PCDH11X: variants seen among roughly 807,000 people sequenced by gnomAD.
The protein encoded by PCDH11X is protocadherin 11 X-linked, also known as protocadherin-11 X-linked.
In PCDH11X, 18 loss-of-function variants were observed where a neutral mutation model predicts 53.3. The ratio of observed to expected loss-of-function variants is 0.34; its 90% confidence interval spans 0.23 to 0.50. The LOEUF (loss-of-function observed/expected upper bound fraction) is 0.50, where lower values mean the gene tolerates loss of function less well. PCDH11X is among the 20% of genes least tolerant of loss of function. The pLI is 0.98. For synonymous variants in PCDH11X, 279 were observed against 393.3 expected, an observed-to-expected ratio of 0.71 and a Z score of 3.44; for missense variants, 570 against 1,032.4, an observed-to-expected ratio of 0.55 and a Z score of 6.14.
At chrX:92,151,002 C>A (rs1396774740) in intron 6 of PCDH11X, among the ~76,000 whole-genome samples, 2 of 110,393 alleles carry the variant, frequency 1.8e-5, no homozygotes, top group Non-Finnish European at 3.8e-5. Flanking sequence ...AAATTGCTAT[C>A]CCTTTTAGGG....
chrX:92,303,444 C>G (rs768938527), intron 8 of PCDH11X, among the ~76,000 whole-genome samples: 1 of 111,354 alleles, frequency 9.0e-6, no homozygotes, highest in Admixed American at 9.6e-5. Context: ...ATATCTCCTT[C>G]TCTAAGATGA....
At chrX:92,019,378 A>G (rs1043164982) in intron 6 of PCDH11X, among the ~76,000 whole-genome samples, 10 of 109,996 alleles carry the variant, frequency 9.1e-5, no homozygotes, top group African/African-American at 3.3e-4. Context: ...ATAGACATCT[A>G]CAGAAAGTTC....
chrX:92,060,432 A>G (rs2063508033), intron 6 of PCDH11X, among the ~76,000 whole-genome samples: 1 of 105,175 alleles, frequency 9.5e-6, no homozygotes, highest in African/African-American at 3.5e-5. Context: ...TTTGTCACTC[A>G]GGTAATAAGC....
chrX:92,063,213 G>T (rs113954562), intron 6 of PCDH11X, among the ~76,000 whole-genome samples: 3,945 of 107,982 alleles, frequency 0.037, 184 homozygotes, highest in African/African-American at 0.13. Context: ...CTAGGGGAGG[G>T]ATAGCATTAG....
At chrX:92,340,786 A>G (rs1483279888) in intron 8 of PCDH11X, among the ~76,000 whole-genome samples, 2 of 105,113 alleles carry the variant, frequency 1.9e-5, no homozygotes, top group Admixed American at 1.1e-4. Context: ...CCTTTTCCAC[A>G]TTGTCTTGGA....
chrX:92,161,608 G>C (rs951572335), intron 6 of PCDH11X, among the ~76,000 whole-genome samples: 9 of 108,065 alleles, frequency 8.3e-5, no homozygotes, highest in African/African-American at 3.1e-4. Flanking sequence ...CCCCAAATAT[G>C]TTTTCCAGAC....
rs36121717 is a variant in PCDH11X, at chrX:92,107,376, T to C, written c.3034-93999T>C. Among the ~76,000 whole-genome samples the C allele has an allele frequency of 3.3e-3, 373 of 112,214 alleles. 2 individuals carry two copies. Among genetic ancestry groups the C allele is most frequent in the Middle Eastern group, 4.6e-3 (1 of 217 alleles). The stretch of plus-strand genomic sequence containing the variant: ...TGTTTCAGATACTTTTGAGTTAACA[T>C]TTTGAGAGCTGTCTTAGGTACTTTT... On this transcript the variant is annotated intron_variant, in intron 6 of 10. Coordinates refer to ENST00000682573, the MANE Select transcript of PCDH11X (RefSeq NM_032968.5).
At chrX:91,791,442 C>T (rs1287108132) in intron 1 of PCDH11X, among the ~76,000 whole-genome samples, 2 of 108,533 alleles carry the variant, frequency 1.8e-5, no homozygotes, top group Admixed American at 9.8e-5. Flanking sequence ...GCAGGTGCCA[C>T]ACACTTTTAA....
intron 5 of PCDH11X, among the ~76,000 whole-genome samples, chrX:91,863,420 C>T (rs1476295667): frequency 1.8e-5 from 2 of 111,410 alleles, no homozygotes; most frequent in African/African-American, 3.3e-5. Flanking sequence ...ATAGCTACAC[C>T]TGCTCTTTTT....
At chrX:92,357,140 C>A (rs1444823131) in intron 8 of PCDH11X, among the ~76,000 whole-genome samples, 2 of 107,028 alleles carry the variant, frequency 1.9e-5, no homozygotes, top group Non-Finnish European at 3.9e-5. Flanking sequence ...TAAAAAAAAG[C>A]CTGATAACTT....
At chrX:91,999,070 T>C (rs184602077) in intron 6 of PCDH11X, among the ~76,000 whole-genome samples, 9,788 of 108,845 alleles carry the variant, frequency 0.09, 408 homozygotes, top group African/African-American at 0.15. Flanking sequence ...TGCCCCACCA[T>C]GTCCAACTAT....
At chrX:92,085,951 T>G (rs7065695) in intron 6 of PCDH11X, among the ~76,000 whole-genome samples, 2,709 of 111,792 alleles carry the variant, frequency 0.024, 86 homozygotes, top group African/African-American at 0.083. Context: ...TTTTGATCAC[T>G]TACTATGAAA....
At chrX:91,930,377 T>C (rs1942085641) in intron 6 of PCDH11X, among the ~76,000 whole-genome samples, 2 of 106,474 alleles carry the variant, frequency 1.9e-5, no homozygotes, top group Non-Finnish European at 3.9e-5. Context: ...TCATCTCTCC[T>C]AAGACACTAT....
At chrX:91,995,931 G>A (rs2062410932) in intron 6 of PCDH11X, among the ~76,000 whole-genome samples, 1 of 100,420 alleles carries the variant, frequency 1.0e-5, no homozygotes, top group African/African-American at 3.7e-5. Context: ...CTCACTGCAA[G>A]CTCCACCTCC....
chrX:92,081,488 C>T (rs1276198391), intron 6 of PCDH11X, among the ~76,000 whole-genome samples: 1 of 110,210 alleles, frequency 9.1e-6, no homozygotes, highest in East Asian at 2.8e-4. Flanking sequence ...TAATTCATCT[C>T]CTGTTGATCA....
intron 6 of PCDH11X, among the ~76,000 whole-genome samples, chrX:92,032,589 T>C (rs2148016680): frequency 9.0e-6 from 1 of 111,366 alleles, no homozygotes; most frequent in South Asian, 3.8e-4. Flanking sequence ...TCAGTTTTTT[T>C]CCCATTCAGT....
intron 10 of PCDH11X, among the ~76,000 whole-genome samples, chrX:92,559,780 G>T (rs774990544): frequency 9.0e-6 from 1 of 110,748 alleles, no homozygotes; most frequent in East Asian, 2.9e-4. Flanking sequence ...TAGCCAGAGG[G>T]GTGTTCTGGT....
At chrX:92,235,502 A>G (rs2067153349) in intron 7 of PCDH11X, among the ~76,000 whole-genome samples, 2 of 111,530 alleles carry the variant, frequency 1.8e-5, no homozygotes, top group African/African-American at 6.5e-5. Context: ...AGGTGTTCCA[A>G]ATTTGTTTTT....
chrX:92,084,440 G>T (rs1331532724), intron 6 of PCDH11X, among the ~76,000 whole-genome samples: 1 of 107,507 alleles, frequency 9.3e-6, no homozygotes, highest in African/African-American at 3.4e-5. Flanking sequence ...CCTGCTACTA[G>T]GGAGACTGAG....
Sources: gnomAD v4.1 joint callset for allele counts (sites outside exome capture counted in the v4.1 genomes callset) on GRCh38, gnomAD v4.1.1 for gene constraint, MANE v1.5 for transcripts, NCBI Gene and HGNC (gene_info 2026-07-23, HGNC 2026-07-21) for gene names.